Variants in RANBP3L observed in about 807,000 individuals in gnomAD.
RANBP3L encodes RAN binding protein 3 like, also known as ran-binding protein 3-like.
RANBP3L carries 56 observed loss-of-function variants against 67.2 expected under a neutral mutation model. The observed-to-expected ratio is 0.83, with a 90% CI of 0.67 to 1.04. RANBP3L has a LOEUF of 1.04. RANBP3L is among the 50% of genes least tolerant of loss of function. RANBP3L has a pLI of 0.00. For missense variants in RANBP3L, 496 were observed against 535.5 expected, an observed-to-expected ratio of 0.93 and a Z score of 0.73; for synonymous variants, 164 against 181.4, an observed-to-expected ratio of 0.90 and a Z score of 0.77.
At position 36,248,646 on chromosome 5, in the gene RANBP3L, C is replaced by CA. The variant is rs1244920879; in HGVS notation, c.*1007dup. 2.0e-5 allele frequency: 3 copies of CA among 152,098 alleles called. No homozygotes were observed. Among genetic ancestry groups the CA allele is most frequent in the African/African-American group, 7.2e-5 (3 of 41,430 alleles). The allele number at this position is 152,098 out of a possible 1,614,324, so 9.4% of individuals were successfully genotyped here. ...GAATTATGAATTTTTATCCCCTAAT[C>CA]AGATAATTGCTTAGGGGTCACAATC... On this transcript the variant is annotated 3_prime_UTR_variant, in exon 14 of 14. Coordinates refer to ENST00000296604, the MANE Select transcript of RANBP3L (RefSeq NM_145000.5).
chr5:36,265,641 T>A, intron 4 of RANBP3L, 121 bp from the exon 5 acceptor site: 3 of 560,928 alleles, frequency 5.3e-6, no homozygotes, highest in Non-Finnish European at 9.4e-6. Flanking sequence ...ACTAACAGAG[T>A]AGTAGGTAGT....
chr5:36,255,430 C>A (rs935168194), intron 11 of RANBP3L, 40 bp downstream of exon 11: 1 of 1,591,422 alleles, frequency 6.3e-7, no homozygotes, highest in African/African-American at 1.4e-5. Context: ...CAGGAGAAAT[C>A]CTGACAAATT....
At chr5:36,281,905 T>A (rs1750999813) in intron 1 of RANBP3L, among the ~76,000 whole-genome samples, 4 of 152,236 alleles carry the variant, frequency 2.6e-5, no homozygotes, top group Admixed American at 1.3e-4. Context: ...TAAATAAGAC[T>A]ATTGTGTTCT....
chr5:36,271,296 G>T lies in RANBP3L; in HGVS notation c.107C>A (p.Ala36Asp). 6.3e-7 allele frequency: 1 copy of T among 1,585,144 alleles called. No individual in the cohort carries two copies. Among genetic ancestry groups the T allele is most frequent in the Non-Finnish European group, 8.7e-7 (1 of 1,155,428 alleles). Residue 36 changes from alanine to aspartate, a missense_variant, in exon 2 of 14, where the codon GCT (alanine) becomes GAT (aspartate). By Grantham distance (126) the Ala-to-Asp change is moderately radical. Coordinates refer to ENST00000296604, the MANE Select transcript of RANBP3L (RefSeq NM_145000.5). ...DRRQQEKSVI[A>D]QPIFVFEKGE... is the part of the protein sequence containing the mutation. ...CTTTTCAAAAACAAATATGGGTTGA[G>T]CAATGACAGATTTTTCTGTGAAAAA...
chr5:36,266,243 T>C (rs937420018), intron 4 of RANBP3L, among the ~76,000 whole-genome samples: 1 of 152,170 alleles, frequency 6.6e-6, no homozygotes, highest in African/African-American at 2.4e-5. Flanking sequence ...TTAATGAGTA[T>C]ACCTGAAGAA....
intron 1 of RANBP3L, among the ~76,000 whole-genome samples, chr5:36,281,361 AC>A (rs1750957915): frequency 6.6e-6 from 1 of 152,126 alleles, no homozygotes; most frequent in Admixed American, 6.6e-5. Context: ...TAGTTATTGA[AC>A]CCTTTTGCTC....
In RANBP3L at chr5:36,249,677, T is replaced by C; in HGVS notation, c.1375A>G (p.Arg459Gly). 2.6e-6 allele frequency: 4 copies of C among 1,558,330 alleles called. No homozygotes were observed. The highest frequency in any genetic ancestry group is 3.5e-6 in the Non-Finnish European group (4 of 1,140,004). Residue 459 changes from arginine to glycine, a missense_variant, in exon 14 of 14, where the codon AGA (arginine) becomes GGA (glycine). By Grantham distance (125) the Arg-to-Gly change is moderately radical (BLOSUM62 -2). Coordinates refer to ENST00000296604, the MANE Select transcript of RANBP3L (RefSeq NM_145000.5). ...ATTCATGAACAGGCAACCGACTGTCTGTGAGTCCAACTAGAAGGATCTGTG... is the reference window on the plus strand; with the variant it reads ...ATTCATGAACAGGCAACCGACTGTCCGTGAGTCCAACTAGAAGGATCTGTG... Reference protein sequence around the residue: ...NGSDPSSWTHRQSVACS With the variant: ...NGSDPSSWTHGQSVACS
At chr5:36,249,800 G>T in intron 13 of RANBP3L, 103 bp from the exon 14 acceptor site, 1 of 475,348 alleles carries the variant, frequency 2.1e-6, no homozygotes, top group South Asian at 5.0e-5. Context: ...TATACTCATT[G>T]GTGATGAAAT....
At chr5:36,284,516 G>T (rs925723062) in intron 1 of RANBP3L, among the ~76,000 whole-genome samples, 1 of 152,162 alleles carries the variant, frequency 6.6e-6, no homozygotes, top group Non-Finnish European at 1.5e-5. Flanking sequence ...TAAAGTCCTA[G>T]TTTAAATACA....
intron 7 of RANBP3L, 86 bp from the exon 8 acceptor site, chr5:36,260,950 T>C (rs1215342028): frequency 1.6e-6 from 1 of 640,746 alleles, no homozygotes; most frequent in Non-Finnish European, 2.8e-6. Context: ...ATTTAATAGA[T>C]TTATGTAAAT....
chr5:36,259,473 C>T (rs925768947), intron 8 of RANBP3L, among the ~76,000 whole-genome samples: 7 of 151,658 alleles, frequency 4.6e-5, no homozygotes, highest in Admixed American at 3.9e-4. Context: ...GTCCCACCTA[C>T]TCGGGAGGCT....
At chr5:36,258,708 C>T (rs1262439440) in intron 8 of RANBP3L, among the ~76,000 whole-genome samples, 1 of 152,208 alleles carries the variant, frequency 6.6e-6, no homozygotes, top group Non-Finnish European at 1.5e-5. Context: ...TCAAACAAAA[C>T]CCGTAGTCCT....
rs368964724 is a variant in RANBP3L at position 36,299,335 on chromosome 5, A to ATGTGTGTGTGTG, written c.91+1979_91+1990dup. Reference sequence around the variant, plus strand: ...TCTGTATATATATACACATACATATATGTGTGTGTGTGTGTGTGTGTGTGT... The same window carrying ATGTGTGTGTGTG: ...TCTGTATATATATACACATACATATATGTGTGTGTGTGTGTGTGTGTGTGTGTGTGTGTGTGT... On this transcript the variant is annotated intron_variant, in intron 1 of 13. Transcript: ENST00000296604. Among the ~76,000 whole-genome samples the ATGTGTGTGTGTG allele has an allele frequency of 4.0e-3, 579 of 145,328 alleles. 4 individuals are homozygous for ATGTGTGTGTGTG. Among genetic ancestry groups the ATGTGTGTGTGTG allele is most frequent in the African/African-American group, 0.013 (521 of 38,846 alleles).
intron 1 of RANBP3L, among the ~76,000 whole-genome samples, chr5:36,281,352 A>G (rs1287997221): frequency 6.6e-6 from 1 of 152,196 alleles, no homozygotes; most frequent in Admixed American, 6.5e-5. Context: ...TCAAGAAGTT[A>G]GTTATTGAAC....
intron 1 of RANBP3L, among the ~76,000 whole-genome samples, chr5:36,277,116 C>G (rs1352377060): frequency 3.3e-5 from 5 of 152,230 alleles, no homozygotes; most frequent in Non-Finnish European, 5.9e-5. Flanking sequence ...GCTACCAGGA[C>G]TGGAATTATC....
intron 1 of RANBP3L, among the ~76,000 whole-genome samples, chr5:36,298,621 G>A (rs148213144): frequency 0.013 from 1,931 of 152,314 alleles, 28 homozygotes; most frequent in Admixed American, 0.046. Context: ...TAACTGGAAT[G>A]CAATTTAGCA....
At chr5:36,264,843 C>A (rs930492089) in intron 6 of RANBP3L, 116 bp downstream of exon 6, 1 of 867,148 alleles carries the variant, frequency 1.2e-6, no homozygotes, top group South Asian at 1.7e-5. Flanking sequence ...TGCTATCTAG[C>A]CCAACAACAA....
chr5:36,262,797 A>G (rs1749490358), intron 6 of RANBP3L, among the ~76,000 whole-genome samples: 1 of 152,182 alleles, frequency 6.6e-6, no homozygotes, highest in African/African-American at 2.4e-5. Flanking sequence ...ACTGACAAAT[A>G]TGTATCAAGA....
intron 4 of RANBP3L, among the ~76,000 whole-genome samples, chr5:36,265,771 G>C (rs924955452): frequency 2.6e-5 from 4 of 152,038 alleles, no homozygotes; most frequent in South Asian, 2.1e-4. Context: ...TCAGGAGTTC[G>C]AGACCAGCCT....
Sources: gnomAD v4.1 joint callset for allele counts (sites outside exome capture counted in the v4.1 genomes callset) on GRCh38, gnomAD v4.1.1 for gene constraint, MANE v1.5 for transcripts, NCBI Gene and HGNC (gene_info 2026-07-23, HGNC 2026-07-21) for gene names.